ABI1: variants seen among roughly 807,000 people sequenced by gnomAD.
ABI1 encodes abl interactor 1, also known as Abelson interactor 1.
In ABI1, 14 loss-of-function variants were observed where a neutral mutation model predicts 54.6. That is an observed-to-expected ratio of 0.26 (90% CI 0.17 to 0.40). The LOEUF is 0.40. Among genes scored for constraint, ABI1 ranks in the 10% least tolerant of loss-of-function variants. ABI1 has a pLI of 1.00. For synonymous variants in ABI1, 194 were observed against 209.3 expected, an observed-to-expected ratio of 0.93 and a Z score of 0.63; for missense variants, 443 against 598.3, an observed-to-expected ratio of 0.74 and a Z score of 2.71.
At chr10:26,828,854 T>C (rs2048475315) in intron 1 of ABI1, among the ~76,000 whole-genome samples, 1 of 152,192 alleles carries the variant, frequency 6.6e-6, no homozygotes, top group South Asian at 2.1e-4. Flanking sequence ...AACTGAAATT[T>C]GGGGCATGGT....
chr10:26,808,051 C>T (rs1159814562), intron 2 of ABI1, among the ~76,000 whole-genome samples: 1 of 152,142 alleles, frequency 6.6e-6, no homozygotes, highest in Non-Finnish European at 1.5e-5. Flanking sequence ...GAGATCGCAC[C>T]ATTGCACTCC....
intron 2 of ABI1, among the ~76,000 whole-genome samples, chr10:26,795,704 T>C (rs1289741845): frequency 1.3e-5 from 2 of 151,974 alleles, no homozygotes; most frequent in South Asian, 2.1e-4. Context: ...GGTTAAAGAT[T>C]TGTACACTGA....
chr10:26,782,330 G>C (rs1842212501), intron 2 of ABI1, among the ~76,000 whole-genome samples: 1 of 151,864 alleles, frequency 6.6e-6, no homozygotes, highest in South Asian at 2.1e-4. Flanking sequence ...TACTGCAACA[G>C]CCTTATCAAA....
At chr10:26,815,860 A>G (rs998833712) in intron 2 of ABI1, among the ~76,000 whole-genome samples, 2 of 152,346 alleles carry the variant, frequency 1.3e-5, no homozygotes, top group South Asian at 4.1e-4. Flanking sequence ...GCAGTGAACT[A>G]TGACTGTGCC....
At chr10:26,829,828 A>C (rs1029076559) in intron 1 of ABI1, among the ~76,000 whole-genome samples, 7 of 152,204 alleles carry the variant, frequency 4.6e-5, no homozygotes, top group African/African-American at 1.7e-4. Flanking sequence ...TGGATGAGGA[A>C]GGGAGGTCAG....
chr10:26,845,850 T>C (rs947982534), intron 1 of ABI1, among the ~76,000 whole-genome samples: 23 of 151,680 alleles, frequency 1.5e-4, no homozygotes, highest in Admixed American at 1.1e-3. Context: ...ACTGAAGATT[T>C]TAGAAAAAAT....
intron 7 of ABI1, among the ~76,000 whole-genome samples, chr10:26,760,614 G>T (rs899149731): frequency 2.6e-5 from 4 of 152,172 alleles, no homozygotes; most frequent in African/African-American, 9.7e-5. Flanking sequence ...TAAGGGCCAG[G>T]TGCAGTGGCT....
At chr10:26,777,280 G>C (rs1170249529) in intron 2 of ABI1, 39 bp from the exon 3 acceptor site, 3 of 1,501,014 alleles carry the variant, frequency 2.0e-6, no homozygotes, top group Non-Finnish European at 2.7e-6. Flanking sequence ...AATATTATTT[G>C]ACATAATATG....
At position 26,780,477 on chromosome 10, in the gene ABI1, C is replaced by T. The variant is rs377172656; in HGVS notation, c.286-3236G>A. Among the ~76,000 whole-genome samples, 145 of 152,288 alleles carry T rather than the reference C, an allele frequency of 9.5e-4. 1 individual carries two copies. The highest frequency in any genetic ancestry group is 3.3e-3 in the African/African-American group (138 of 41,550). ...TCGAACTCCTGGGCTCAAGCAATAA[C>T]GATCTTGCACAGAATACAGGGTTTT... On this transcript the variant is annotated intron_variant, in intron 2 of 10. Coordinates refer to ENST00000376140, the MANE Select transcript of ABI1 (RefSeq NM_001012750.3).
In ABI1 at chr10:26,841,968, A is replaced by G. The variant is rs538899550; in HGVS notation, c.118-18663T>C. On this transcript the variant is annotated intron_variant, in intron 1 of 10. Coordinates refer to ENST00000376140, the MANE Select transcript of ABI1 (RefSeq NM_001012750.3). ...ATGCCCGATAAGGAATTGCTGGGTC[A>G]TATAGTACTTCTATTTTTCATTTCT... Among the ~76,000 whole-genome samples the G allele has an allele frequency of 1.1e-3, 164 of 152,222 alleles. 1 individual carries two copies. The highest frequency in any genetic ancestry group is 2.2e-3 in the Non-Finnish European group (147 of 68,020).
intron 1 of ABI1, among the ~76,000 whole-genome samples, chr10:26,855,618 C>G (rs555092369): frequency 1.4e-4 from 22 of 152,278 alleles, no homozygotes; most frequent in African/African-American, 4.6e-4. Flanking sequence ...TTATATTACC[C>G]TCTACCCTTC....
chr10:26,843,348 G>A (rs2134097291), intron 1 of ABI1, among the ~76,000 whole-genome samples: 1 of 149,096 alleles, frequency 6.7e-6, no homozygotes, highest in African/African-American at 2.5e-5. Context: ...CAGATACTTG[G>A]GAGGCTGAGG....
At chr10:26,835,074 G>A (rs1360302670) in intron 1 of ABI1, among the ~76,000 whole-genome samples, 6 of 106,240 alleles carry the variant, frequency 5.6e-5, no homozygotes, top group Non-Finnish European at 8.6e-5. Context: ...GGGCAACTGA[G>A]CAAGATTCTA....
chr10:26,808,296 T>C (rs1283412057), intron 2 of ABI1, among the ~76,000 whole-genome samples: 1 of 152,218 alleles, frequency 6.6e-6, no homozygotes, highest in African/African-American at 2.4e-5. Context: ...AATGTTTGGT[T>C]GGTTTACTCC....
intron 1 of ABI1, among the ~76,000 whole-genome samples, chr10:26,846,959 G>A (rs2050030006): frequency 1.3e-5 from 2 of 152,064 alleles, no homozygotes; most frequent in South Asian, 4.1e-4. Flanking sequence ...ATACTTTCAT[G>A]TCACATGTAC....
rs767351949 is a variant in ABI1, at chr10:26,823,091, C to T, written c.285+47G>A. On this transcript the variant is annotated intron_variant, in intron 2 of 10. Transcript: ENST00000376140. ...AGGCTATTTACTTCTTTGGCATATGCTGTAGTTTTTTTTAAATTGAATTTA... is the reference window on the plus strand; with the variant it reads ...AGGCTATTTACTTCTTTGGCATATGTTGTAGTTTTTTTTAAATTGAATTTA... 6 of 1,492,810 alleles carry T rather than the reference C, an allele frequency of 4.0e-6. No homozygotes were observed. In the African/African-American group the frequency reaches 7.3e-5, roughly 18 times the overall value. 92.5% of individuals were successfully genotyped at this position (1,492,810 alleles called of 1,614,324 possible). A position where few individuals can be genotyped will look rare whatever the true frequency, so the allele number is the denominator to read the frequency against.
intron 10 of ABI1, among the ~76,000 whole-genome samples, chr10:26,749,055 CAT>C (rs1213134746): frequency 6.6e-6 from 1 of 152,176 alleles, no homozygotes; most frequent in Non-Finnish European, 1.5e-5. Flanking sequence ...AAGTGCCTAT[CAT>C]ATGCAAAGCA....
chr10:26,803,926 T>C (rs1247109080), intron 2 of ABI1, among the ~76,000 whole-genome samples: 2 of 151,192 alleles, frequency 1.3e-5, no homozygotes, highest in African/African-American at 4.9e-5. Context: ...CAAATAAACA[T>C]AATTACAAAC....
At chr10:26,838,110 A>G (rs2049224134) in intron 1 of ABI1, among the ~76,000 whole-genome samples, 1 of 150,298 alleles carries the variant, frequency 6.7e-6, no homozygotes, top group African/African-American at 2.5e-5. Flanking sequence ...TGCAACCTCC[A>G]TCTCCTGCGT....
Sources: allele counts gnomAD v4.1 joint callset (sites outside exome capture counted in the v4.1 genomes callset), GRCh38; gene constraint gnomAD v4.1.1; transcripts MANE v1.5; gene names NCBI Gene and HGNC (gene_info 2026-07-23, HGNC 2026-07-21).